The following PHC2 variants were observed in gnomAD, a reference collection of about 807,000 sequenced individuals.
PHC2 encodes polyhomeotic-like protein 2.
A neutral mutation model predicts 87.4 loss-of-function variants in PHC2; 29 were observed. The ratio of observed to expected loss-of-function variants is 0.33; its 90% CI spans 0.25 to 0.45. The LOEUF (loss-of-function observed/expected upper bound fraction) is 0.45, where lower values mean the gene tolerates loss of function less well. Ranked by LOEUF, PHC2 falls within the 20% of genes least tolerant of loss-of-function variation. The pLI is 1.00. For synonymous variants in PHC2, 438 were observed against 461.7 expected, an observed-to-expected ratio of 0.95 and a Z score of 0.66; for missense variants, 857 against 1,136.7, an observed-to-expected ratio of 0.75 and a Z score of 3.54.
At chr1:33,379,759 C>T (rs551790013) in intron 1 of PHC2, among the ~76,000 whole-genome samples, 2 of 151,684 alleles carry the variant, frequency 1.3e-5, no homozygotes, top group East Asian at 2.0e-4. Context: ...CCTCTTGCCC[C>T]GCTGTGATTG....
Position 33,372,325 on chromosome 1 carries a change from G to A in PHC2, c.297C>T (p.Ser99=). 2 of 1,601,082 alleles carry A rather than the reference G, an allele frequency of 1.2e-6. No individual in the cohort carries two copies. Among genetic ancestry groups the A allele is most frequent in the Non-Finnish European group, 8.5e-7 (1 of 1,172,028 alleles). The change falls in exon 3 of 15, where the codon AGC becomes AGT. Residue 99 remains serine (S), a synonymous_variant. Transcript: ENST00000683057. ...QTAALQQQHL[S]SAQLQSLAAV... ...CTGCCAGGCTCTGGAGCTGGGCGCT[G>A]CTGAGGTGCTGCTGCTGGAGCGCCG...
intron 1 of PHC2, among the ~76,000 whole-genome samples, chr1:33,398,455 A>T (rs946912548): frequency 4.6e-5 from 7 of 152,210 alleles, no homozygotes; most frequent in Non-Finnish European, 7.3e-5. Context: ...CTTAGCTGGG[A>T]GGATAGATAC....
At position 33,399,407 on chromosome 1, in the gene PHC2, G is replaced by A. The variant is rs114921469; in HGVS notation, c.-54-23814C>T. Among the ~76,000 whole-genome samples the A allele has an allele frequency of 5.2e-3, 788 of 152,232 alleles. 11 individuals carry two copies. Among genetic ancestry groups the A allele is most frequent in the African/African-American group, 0.018 (756 of 41,514 alleles). The stretch of plus-strand genomic sequence containing the variant: ...CATTTGGAAAAAGTTCTAAAGAGCC[G>A]CCACAGATTTATAGATGAATGGATT... On this transcript the variant is annotated intron_variant, in intron 1 of 14. Coordinates refer to ENST00000683057, the MANE Select transcript of PHC2 (RefSeq NM_001385109.1).
At chr1:33,357,182 C>G (rs1010631083) in intron 7 of PHC2, among the ~76,000 whole-genome samples, 58 of 152,160 alleles carry the variant, frequency 3.8e-4, no homozygotes, top group African/African-American at 1.3e-3. Context: ...CAGCTGGAGG[C>G]CCGCAAATGG....
At chr1:33,427,147 G>A (rs936063115) in intron 1 of PHC2, among the ~76,000 whole-genome samples, 4 of 152,148 alleles carry the variant, frequency 2.6e-5, no homozygotes, top group Non-Finnish European at 5.9e-5. Flanking sequence ...TAGTCTTTCC[G>A]TGCTGCCAAG....
rs559153771 is a variant in PHC2, at chr1:33,336,051, C to T, written c.1559-1759G>A. The stretch of plus-strand genomic sequence containing the variant: ...TCACCCAGGCTGGAACGCAGTGGTG[C>T]GACCTATGCTCACTGCAACCTCTGC... On this transcript the variant is annotated intron_variant, in intron 9 of 14. Coordinates refer to ENST00000683057, the MANE Select transcript of PHC2 (RefSeq NM_001385109.1). 8.2e-4 allele frequency among the ~76,000 whole-genome samples: 125 copies of T among 151,526 alleles called. 1 individual carries two copies. Among genetic ancestry groups the T allele is most frequent in the African/African-American group, 2.8e-3 (116 of 41,284 alleles).
intron 1 of PHC2, among the ~76,000 whole-genome samples, chr1:33,386,138 C>T (rs968901148): frequency 6.6e-6 from 1 of 151,968 alleles, no homozygotes; most frequent in Non-Finnish European, 1.5e-5. Flanking sequence ...TCAGCTCTTC[C>T]TTGTTTAGCC....
chr1:33,423,515 T>C (rs1650539648), intron 1 of PHC2, among the ~76,000 whole-genome samples: 1 of 152,214 alleles, frequency 6.6e-6, no homozygotes, highest in Non-Finnish European at 1.5e-5. Context: ...GATGAACATC[T>C]ACTTTGGGGT....
chr1:33,374,885 T>C (rs909260378), intron 2 of PHC2, among the ~76,000 whole-genome samples: 2 of 152,202 alleles, frequency 1.3e-5, no homozygotes, highest in Non-Finnish European at 2.9e-5. Flanking sequence ...CAGCAGATGG[T>C]AGTGCATGGC....
intron 1 of PHC2, among the ~76,000 whole-genome samples, chr1:33,387,586 C>T (rs771324353): frequency 2.6e-5 from 4 of 152,218 alleles, no homozygotes; most frequent in Non-Finnish European, 5.9e-5. Context: ...ATCATTTATT[C>T]TTCACAACCA....
chr1:33,339,916 C>A (rs1222375477), intron 9 of PHC2, among the ~76,000 whole-genome samples: 1 of 152,176 alleles, frequency 6.6e-6, no homozygotes, highest in Non-Finnish European at 1.5e-5. Flanking sequence ...CGTAGGTGCT[C>A]AAAAAGTTTG....
In PHC2 at chr1:33,354,387, A is replaced by C. The variant is rs780137458; in HGVS notation, c.1558+14T>G. ...ACTTCCTCCCCTCCCCCAGGGCCCC[A>C]CTGTGCTTCATACCGTGAGCTGGGG... On this transcript the variant is annotated intron_variant, in intron 9 of 14. Transcript: ENST00000683057. The C allele has an allele frequency of 1.2e-6, 2 of 1,605,092 alleles. No homozygotes were observed. Among genetic ancestry groups the C allele is most frequent in the African/African-American group, 2.7e-5 (2 of 74,544 alleles).
At chr1:33,424,690 T>G (rs1445839371) in intron 1 of PHC2, among the ~76,000 whole-genome samples, 1 of 152,228 alleles carries the variant, frequency 6.6e-6, no homozygotes, top group African/African-American at 2.4e-5. Context: ...TAATATGTAT[T>G]CGGAATGTTT....
Position 33,332,753 on chromosome 1 carries a change from C to A in PHC2, c.1762-349G>T, listed in dbSNP as rs1323473580. 6.6e-6 allele frequency among the ~76,000 whole-genome samples: 1 copy of A among 152,136 alleles called. No homozygotes were observed. The highest frequency in any genetic ancestry group is 1.5e-5 in the Non-Finnish European group (1 of 68,040). On this transcript the variant is annotated intron_variant, in intron 10 of 14. Coordinates refer to ENST00000683057, the MANE Select transcript of PHC2 (RefSeq NM_001385109.1). The surrounding 1 kb of genome is among the most constrained non-coding windows in gnomAD (Gnocchi z 4.2). ...GACCCAGTACCCACGCATCTCCAGG[C>A]AAGGACAGAGCGGAGTCTGTGTGAG...
intron 7 of PHC2, chr1:33,363,704 TATCC>T: frequency 1.3e-5 from 13 of 970,824 alleles, no homozygotes; most frequent in Non-Finnish European, 1.3e-5. Flanking sequence ...TATCACAGCA[TATCC>T]CTCCCAGTCA....
At chr1:33,336,052 G>GA (rs1170492276) in intron 9 of PHC2, among the ~76,000 whole-genome samples, 1 of 151,268 alleles carries the variant, frequency 6.6e-6, no homozygotes, top group Non-Finnish European at 1.5e-5. Context: ...GCAGTGGTGC[G>GA]ACCTATGCTC....
chr1:33,376,583 T>C (rs1412686716), intron 1 of PHC2, among the ~76,000 whole-genome samples: 1 of 152,180 alleles, frequency 6.6e-6, no homozygotes, highest in Non-Finnish European at 1.5e-5. Flanking sequence ...CATCAGAGAA[T>C]TTACTATTTG....
chr1:33,398,590 A>G (rs2148372259), intron 1 of PHC2, among the ~76,000 whole-genome samples: 1 of 152,336 alleles, frequency 6.6e-6, no homozygotes, highest in Admixed American at 6.5e-5. Flanking sequence ...ACATCACAGT[A>G]TTCTTAGCAC....
chr1:33,392,015 GGGAAA>G (rs1339780639), intron 1 of PHC2, among the ~76,000 whole-genome samples: 1 of 152,182 alleles, frequency 6.6e-6, no homozygotes, highest in Non-Finnish European at 1.5e-5. Context: ...CTAGCACAGA[GGGAAA>G]GGAAAGTGCT....
Sources: allele counts gnomAD v4.1 joint callset (sites outside exome capture counted in the v4.1 genomes callset), GRCh38; gene constraint gnomAD v4.1.1; non-coding constraint Gnocchi (gnomAD v3.1); transcripts MANE v1.5; gene names NCBI Gene and HGNC (gene_info 2026-07-23, HGNC 2026-07-21).